KCTD8: variants seen among roughly 807,000 people sequenced by gnomAD.
KCTD8 encodes potassium channel tetramerization domain containing 8.
In KCTD8, 27 loss-of-function variants were observed where a neutral mutation model predicts 31.5. That is an observed-to-expected ratio of 0.86 (90% CI 0.63 to 1.18). The LOEUF (loss-of-function observed/expected upper bound fraction) is 1.18. Among genes scored for constraint, KCTD8 ranks in the 50% most tolerant of loss-of-function variants. The probability of loss-of-function intolerance (pLI) is 0.00; values close to 1 mark genes in which losing one functional copy is unlikely to be tolerated. For missense variants in KCTD8, 658 were observed against 647.7 expected, an observed-to-expected ratio of 1.02 and a Z score of -0.17; for synonymous variants, 290 against 280.0, an observed-to-expected ratio of 1.04 and a Z score of -0.36.
intron 1 of KCTD8, among the ~76,000 whole-genome samples, chr4:44,323,028 A>G (rs1349751765): frequency 1.3e-5 from 2 of 152,006 alleles, no homozygotes; most frequent in Non-Finnish European, 2.9e-5. Context: ...TGATACCTCC[A>G]GCTTCGTTCT....
intron 1 of KCTD8, among the ~76,000 whole-genome samples, chr4:44,411,888 C>T (rs1405090427): frequency 6.6e-6 from 1 of 152,038 alleles, no homozygotes; most frequent in East Asian, 1.9e-4. Context: ...AAGAACAAGG[C>T]CCTGCTTGAC....
chr4:44,293,097 C>T (rs1254340843), intron 1 of KCTD8, among the ~76,000 whole-genome samples: 1 of 151,972 alleles, frequency 6.6e-6, no homozygotes, highest in African/African-American at 2.4e-5. Context: ...AAATATTAGG[C>T]TACTTAAACA....
In KCTD8 at chr4:44,176,860, CATCT is replaced by C. The variant is rs58202328; in HGVS notation, c.962-1614_962-1611del. 5.8e-4 allele frequency among the ~76,000 whole-genome samples: 86 copies of C among 148,470 alleles called. 1 individual carries two copies. Among genetic ancestry groups the C allele is most frequent in the East Asian group, 4.9e-3 (24 of 4,940 alleles). ...AAGAAACATAAAGTATATATGTCTA[CATCT>C]ATCTATCTATCTATCTATCTATCTA... On this transcript the variant is annotated intron_variant, in intron 1 of 1. Transcript: ENST00000360029.
At chr4:44,426,115 C>T (rs1322755914) in intron 1 of KCTD8, among the ~76,000 whole-genome samples, 1 of 150,090 alleles carries the variant, frequency 6.7e-6, no homozygotes, top group Non-Finnish European at 1.5e-5. Flanking sequence ...CTGAATAATA[C>T]ATGTCAAAAT....
intron 1 of KCTD8, among the ~76,000 whole-genome samples, chr4:44,227,923 T>C (rs1715012162): frequency 6.6e-6 from 1 of 152,238 alleles, no homozygotes; most frequent in African/African-American, 2.4e-5. Flanking sequence ...CATTCTTGTC[T>C]ATCTAAAGAC....
intron 1 of KCTD8, among the ~76,000 whole-genome samples, chr4:44,333,717 T>C (rs772833251): frequency 2.0e-4 from 30 of 151,980 alleles, no homozygotes; most frequent in Non-Finnish European, 2.5e-4. Flanking sequence ...AATGTGATGT[T>C]GTATTGAGGT....
At chr4:44,285,557 G>T (rs937787352) in intron 1 of KCTD8, among the ~76,000 whole-genome samples, 1 of 151,984 alleles carries the variant, frequency 6.6e-6, no homozygotes, top group Non-Finnish European at 1.5e-5. Context: ...CCACCATGGC[G>T]TATGTATACT....
chr4:44,379,538 T>C (rs1720006110), intron 1 of KCTD8, among the ~76,000 whole-genome samples: 1 of 152,102 alleles, frequency 6.6e-6, no homozygotes, highest in Non-Finnish European at 1.5e-5. Flanking sequence ...CCATGGAAAC[T>C]AAAACCATTG....
chr4:44,260,577 A>G (rs547803485), intron 1 of KCTD8, among the ~76,000 whole-genome samples: 1 of 152,072 alleles, frequency 6.6e-6, no homozygotes, highest in South Asian at 2.1e-4. Flanking sequence ...AAAGGCATGA[A>G]CGAAATGAGA....
chr4:44,245,259 T>C (rs185958430), intron 1 of KCTD8, among the ~76,000 whole-genome samples: 3 of 152,198 alleles, frequency 2.0e-5, no homozygotes, highest in East Asian at 1.9e-4. Context: ...ATGAATCTAA[T>C]AGTCCTCAGC....
At chr4:44,267,258 C>G (rs927558587) in intron 1 of KCTD8, among the ~76,000 whole-genome samples, 2 of 152,170 alleles carry the variant, frequency 1.3e-5, no homozygotes, top group Non-Finnish European at 2.9e-5. Flanking sequence ...AACCGCTGAA[C>G]TACATGGAAA....
chr4:44,400,232 C>A (rs1720612036), intron 1 of KCTD8, among the ~76,000 whole-genome samples: 1 of 152,016 alleles, frequency 6.6e-6, no homozygotes, highest in African/African-American at 2.4e-5. Context: ...TATTGCCTAC[C>A]CAACAACAAC....
intron 1 of KCTD8, among the ~76,000 whole-genome samples, chr4:44,384,582 C>T (rs1213817794): frequency 6.6e-6 from 1 of 151,678 alleles, no homozygotes; most frequent in Non-Finnish European, 1.5e-5. Context: ...AAAGATTGCT[C>T]TCATATAAGT....
chr4:44,398,716 G>A (rs1172704883), intron 1 of KCTD8, among the ~76,000 whole-genome samples: 2 of 152,162 alleles, frequency 1.3e-5, no homozygotes, highest in African/African-American at 4.8e-5. Context: ...GCTGCTGTGT[G>A]GAGGGTAATC....
At chr4:44,367,552 A>T (rs538031115) in intron 1 of KCTD8, among the ~76,000 whole-genome samples, 2 of 152,318 alleles carry the variant, frequency 1.3e-5, no homozygotes, top group East Asian at 3.9e-4. Flanking sequence ...AAATTAGAGT[A>T]AAAGGTATTT....
At position 44,224,317 on chromosome 4, in the gene KCTD8, CTCTT is replaced by C. The variant is rs200081282; in HGVS notation, c.962-49071_962-49068del. Among the ~76,000 whole-genome samples, 96 of 152,268 alleles carry C rather than the reference CTCTT, an allele frequency of 6.3e-4. 1 individual carries two copies. In the East Asian group the frequency reaches 0.017, roughly 28 times the overall value. ...AGAAGTGCTCTATCAAACTGACCTC[CTCTT>C]TATTTATTTGTCACTTTTTTTCACT... On this transcript the variant is annotated intron_variant, in intron 1 of 1. Transcript: ENST00000360029.
chr4:44,248,491 C>T (rs1289540225), intron 1 of KCTD8, among the ~76,000 whole-genome samples: 1 of 151,630 alleles, frequency 6.6e-6, no homozygotes, highest in Admixed American at 6.6e-5. Flanking sequence ...ACTTACTGGC[C>T]TACTTTACTC....
chr4:44,409,801 A>G (rs1036796916), intron 1 of KCTD8, among the ~76,000 whole-genome samples: 2 of 146,822 alleles, frequency 1.4e-5, no homozygotes, highest in Non-Finnish European at 3.0e-5. Flanking sequence ...ATTAAAAAAA[A>G]GTAATGAGAG....
Position 44,278,114 on chromosome 4 carries a change from A to G in KCTD8, c.962-102864T>C, listed in dbSNP as rs980224271. ...TTCATCACTTTTGGTTTCCTCTTCT[A>G]TCTTTGTTTAAATGTTTGATTTATC... On this transcript the variant is annotated intron_variant, in intron 1 of 1. Transcript: ENST00000360029. 2.0e-5 allele frequency among the ~76,000 whole-genome samples: 3 copies of G among 151,860 alleles called. No homozygotes were observed. In the Admixed American group the frequency reaches 2.0e-4, roughly 10 times the overall value.
Sources: gnomAD v4.1 joint callset for allele counts (sites outside exome capture counted in the v4.1 genomes callset) on GRCh38, gnomAD v4.1.1 for gene constraint, MANE v1.5 for transcripts, NCBI Gene and HGNC (gene_info 2026-07-23, HGNC 2026-07-21) for gene names.